Variants in SPATS1 observed in about 807,000 individuals in gnomAD.
The protein encoded by SPATS1 is spermatogenesis-associated serine-rich protein 1.
Under a neutral mutation model 33.6 loss-of-function variants are expected in SPATS1, and 23 were observed. That is an observed-to-expected ratio of 0.68 (90% confidence interval 0.49 to 0.97). The LOEUF (loss-of-function observed/expected upper bound fraction) is 0.97. Ranked by LOEUF, SPATS1 falls within the 50% of genes least tolerant of loss-of-function variation. SPATS1 has a pLI of 0.00. For missense variants in SPATS1, 327 were observed against 361.0 expected (o/e 0.91, Z 0.76); for synonymous variants, 131 against 125.6 (o/e 1.04, Z -0.29).
At position 44,370,113 on chromosome 6, in the gene SPATS1, A is replaced by G. The variant is rs930848319; in HGVS notation, c.758A>G (p.Asn253Ser). Reference protein sequence around the residue: ...IPLEPLPQIPNLPFWVKEKAN... With the variant: ...IPLEPLPQIPSLPFWVKEKAN... Reference sequence around the variant, plus strand: ...CTTGAGCCTCTTCCACAAATTCCCAAGTGAGTTCTCTTGTCATGTTTTGTG... The same window carrying G: ...CTTGAGCCTCTTCCACAAATTCCCAGGTGAGTTCTCTTGTCATGTTTTGTG... Residue 253 changes from asparagine (N) to serine (S), a missense_variant and splice_region_variant, in exon 7 of 9, where the codon AAC (asparagine) becomes AGC (serine). By Grantham distance (46) the Asn-to-Ser change is conservative. Coordinates refer to ENST00000674044, the MANE Select transcript of SPATS1 (RefSeq NM_001372081.1). The G allele has an allele frequency of 1.9e-6, 3 of 1,610,320 alleles. No homozygotes were observed. Among genetic ancestry groups the G allele is most frequent in the African/African-American group, 2.7e-5 (2 of 74,836 alleles).
In SPATS1 at chr6:44,379,770, G is replaced by A. The variant is rs1159844788; in HGVS notation, c.*2707G>A. Among the ~76,000 whole-genome samples the A allele has an allele frequency of 6.1e-5, 9 of 146,562 alleles. No individual in the cohort carries two copies. The South Asian group carries it at 6.8e-4, about 11-fold the overall frequency. ...ATTCCTTTTTCTTTTAATCCAGGCCGCAAAAACCATGAGTAAAAAAAAAAA... is the reference window on the plus strand; with the variant it reads ...ATTCCTTTTTCTTTTAATCCAGGCCACAAAAACCATGAGTAAAAAAAAAAA... On this transcript the variant is annotated 3_prime_UTR_variant, in exon 9 of 9. Transcript: ENST00000674044.
At position 44,363,882 on chromosome 6, in the gene SPATS1, A is replaced by G. The variant is rs1789086386; in HGVS notation, c.574+1890A>G. On this transcript the variant is annotated intron_variant, in intron 5 of 8. Transcript: ENST00000674044. ...TTGCGTTCTTTTACTCCACTTAAGA[A>G]ATAAAATTCTAACTTTATATTTGAA... is the stretch of plus-strand genomic sequence containing the variant. Among the ~76,000 whole-genome samples, 3 of 152,230 alleles carry G rather than the reference A, an allele frequency of 2.0e-5. No individual in the cohort carries two copies. In the South Asian group the frequency reaches 6.2e-4, roughly 32 times the overall value.
At chr6:44,344,390 C>CGTGT (rs70993448) in intron 2 of SPATS1, among the ~76,000 whole-genome samples, 22,950 of 145,310 alleles carry the variant, frequency 0.16, 2,036 homozygotes, top group African/African-American at 0.23. Flanking sequence ...ATTGAAGATA[C>CGTGT]GTGTGTGTGT....
At chr6:44,365,158 C>A (rs1200004469) in intron 5 of SPATS1, among the ~76,000 whole-genome samples, 1 of 152,208 alleles carries the variant, frequency 6.6e-6, no homozygotes, top group Non-Finnish European at 1.5e-5. Flanking sequence ...CCATTTTAAA[C>A]TGGAATGCAA....
chr6:44,344,378 CA>C (rs1442428970), intron 2 of SPATS1, among the ~76,000 whole-genome samples: 7 of 143,580 alleles, frequency 4.9e-5, no homozygotes, highest in Non-Finnish European at 7.5e-5. Flanking sequence ...CTCCACAAAC[CA>C]ATTGAAGATA....
intron 5 of SPATS1, among the ~76,000 whole-genome samples, chr6:44,363,039 G>A (rs930720015): frequency 2.6e-5 from 4 of 152,068 alleles, no homozygotes; most frequent in African/African-American, 9.7e-5. Context: ...ATTTCTCCAT[G>A]TTGGTCAGGC....
At chr6:44,347,904 C>T (rs1787997328) in intron 2 of SPATS1, among the ~76,000 whole-genome samples, 1 of 152,074 alleles carries the variant, frequency 6.6e-6, no homozygotes. Flanking sequence ...CTATGTAACC[C>T]TGAACAAGTT....
chr6:44,370,978 G>A (rs1789572452), intron 7 of SPATS1, among the ~76,000 whole-genome samples: 1 of 138,122 alleles, frequency 7.2e-6, no homozygotes, highest in East Asian at 3.0e-4. Context: ...TAAAAAGAAA[G>A]GTTTTTTTTT....
intron 7 of SPATS1, 57 bp from the exon 8 acceptor site, chr6:44,376,301 T>G (rs2153370974): frequency 9.4e-7 from 1 of 1,063,804 alleles, no homozygotes; most frequent in South Asian, 1.3e-5. Flanking sequence ...TATCCGCTGT[T>G]GGTGTTTGTA....
chr6:44,362,038 C>A, intron 5 of SPATS1, 46 bp downstream of exon 5: 1 of 1,612,102 alleles, frequency 6.2e-7, no homozygotes, highest in Non-Finnish European at 8.5e-7. Context: ...CCGAAAAACT[C>A]TCGAGTCGTG....
chr6:44,375,765 G>A (rs1026816008), intron 7 of SPATS1, among the ~76,000 whole-genome samples: 7 of 151,692 alleles, frequency 4.6e-5, no homozygotes, highest in African/African-American at 1.7e-4. Context: ...AGCAGAGATC[G>A]CACTCCAGCC....
intron 3 of SPATS1, among the ~76,000 whole-genome samples, chr6:44,353,617 G>A (rs555795138): frequency 6.6e-6 from 1 of 152,096 alleles, no homozygotes. Flanking sequence ...TGTGTTTTAT[G>A]TACTTTCCCT....
chr6:44,349,504 G>A (rs936260809), intron 2 of SPATS1, among the ~76,000 whole-genome samples: 3 of 152,052 alleles, frequency 2.0e-5, no homozygotes, highest in African/African-American at 7.2e-5. Context: ...GTGCATGAGT[G>A]ATATGTGATT....
Position 44,368,433 on chromosome 6 carries a change from T to C in SPATS1, c.629T>C (p.Met210Thr), listed in dbSNP as rs764193770. The change falls in exon 6 of 9, where the codon ATG becomes ACG. Residue 210 changes from methionine (M) to threonine (T), a missense_variant. Met to Thr is a moderately conservative substitution (Grantham distance 81). Coordinates refer to ENST00000674044, the MANE Select transcript of SPATS1 (RefSeq NM_001372081.1). ...PKLTPGDNPY[M>T]YPEQSKGFHK... is the part of the protein sequence containing the mutation. ...TTAACTCCAGGCGACAATCCATATA[T>C]GTACCCAGAACAGAGTAAAGGCTTC... 1.2e-6 allele frequency: 2 copies of C among 1,613,808 alleles called. No homozygotes were observed. The highest frequency in any genetic ancestry group is 4.5e-5 in the East Asian group (2 of 44,862).
Position 44,368,674 on chromosome 6 carries a change from T to C in SPATS1, c.695+175T>C, listed in dbSNP as rs114379700. Among the ~76,000 whole-genome samples, 566 of 152,338 alleles carry C rather than the reference T, an allele frequency of 3.7e-3. 3 individuals are homozygous for C. The highest frequency in any genetic ancestry group is 0.013 in the African/African-American group (533 of 41,572). On this transcript the variant is annotated intron_variant, in intron 6 of 8. Coordinates refer to ENST00000674044, the MANE Select transcript of SPATS1 (RefSeq NM_001372081.1). The stretch of plus-strand genomic sequence containing the variant: ...TGTCTGCACACATGCATGTGTATAA[T>C]TAAAATTACACACAGGACTTGGACT...
chr6:44,347,190 C>G (rs1051031113), intron 2 of SPATS1, among the ~76,000 whole-genome samples: 1 of 151,970 alleles, frequency 6.6e-6, no homozygotes, highest in African/African-American at 2.4e-5. Flanking sequence ...CACATGGACA[C>G]AGGGAGGGGA....
chr6:44,369,675 C>T (rs1393133287), intron 6 of SPATS1, among the ~76,000 whole-genome samples: 1 of 151,974 alleles, frequency 6.6e-6, no homozygotes, highest in Non-Finnish European at 1.5e-5. Context: ...CGTTCCAGAC[C>T]TACCTGGGCA....
At chr6:44,370,441 C>T (rs75482939) in intron 7 of SPATS1, among the ~76,000 whole-genome samples, 5,536 of 152,184 alleles carry the variant, frequency 0.036, 281 homozygotes, top group Admixed American at 0.16. Flanking sequence ...AAAAAAGACA[C>T]ATACTTAAAT....
chr6:44,370,849 A>C (rs1168380252), intron 7 of SPATS1, among the ~76,000 whole-genome samples: 1 of 152,150 alleles, frequency 6.6e-6, no homozygotes, highest in African/African-American at 2.4e-5. Context: ...GAATATTCCA[A>C]ATAATAGCAA....
Sources: allele counts gnomAD v4.1 joint callset (sites outside exome capture counted in the v4.1 genomes callset), GRCh38; gene constraint gnomAD v4.1.1; transcripts MANE v1.5; gene names NCBI Gene and HGNC (gene_info 2026-07-23, HGNC 2026-07-21).